The following TOX2 variants were observed in gnomAD, a reference collection of about 807,000 sequenced individuals.
TOX2 encodes TOX high mobility group box family member 2.
Under a neutral mutation model 47.4 loss-of-function variants are expected in TOX2, and 15 were observed. The ratio of observed to expected loss-of-function variants is 0.32; its 90% confidence interval spans 0.21 to 0.49. TOX2 has a LOEUF of 0.49. Among genes scored for constraint, TOX2 ranks in the 20% least tolerant of loss-of-function variants. TOX2 has a pLI of 0.99. For missense variants in TOX2, 622 were observed against 673.1 expected (o/e 0.92, Z 0.84); for synonymous variants, 290 against 296.6 (o/e 0.98, Z 0.23).
chr20:43,951,814 CA>C (rs1415585685), intron 1 of TOX2, among the ~76,000 whole-genome samples: 1 of 147,828 alleles, frequency 6.8e-6, no homozygotes, highest in African/African-American at 2.5e-5. Flanking sequence ...TGGGCTCAAG[CA>C]CTCCTCCCAT....
intron 1 of TOX2, among the ~76,000 whole-genome samples, chr20:43,921,877 C>T (rs963749013): frequency 1.3e-5 from 2 of 152,178 alleles, no homozygotes; most frequent in Non-Finnish European, 2.9e-5. Context: ...ATCCCTAGAC[C>T]TGATTTTCCT....
Position 44,006,581 on chromosome 20 carries a change from A to G in TOX2, c.200A>G (p.Tyr67Cys), listed in dbSNP as rs1456292960. The stretch of plus-strand genomic sequence containing the variant: ...GGCCAGAGCGAGAACAACGAAGACT[A>G]TGAGATCCCCCCGATAACACCTCCC... ...YNGQSENNED[Y>C]EIPPITPPNL... The change falls in exon 3 of 9, where the codon TAT (tyrosine) becomes TGT (cysteine). Residue 67 changes from tyrosine (Y) to cysteine (C), a missense_variant. By Grantham distance (194) the Tyr-to-Cys change is radical. Around this residue, in one of 3 missense-constraint regions of TOX2, gnomAD observed 307 missense variants for 327.3 expected, o/e 0.94. Coordinates refer to ENST00000341197, the MANE Select transcript of TOX2 (RefSeq NM_001098797.2). 1 of 1,613,938 alleles carries G rather than the reference A, an allele frequency of 6.2e-7. No homozygotes were observed. The highest frequency in any genetic ancestry group is 2.2e-5 in the East Asian group (1 of 44,890).
intron 2 of TOX2, among the ~76,000 whole-genome samples, chr20:43,993,600 A>G (rs916362978): frequency 6.6e-6 from 1 of 152,216 alleles, no homozygotes. Context: ...CAAAGAAATC[A>G]TGGCCCTTGG....
chr20:44,060,890 G>GA (rs1225935582), intron 5 of TOX2, among the ~76,000 whole-genome samples: 1 of 151,618 alleles, frequency 6.6e-6, no homozygotes, highest in Non-Finnish European at 1.5e-5. Flanking sequence ...CGCAGCAGAA[G>GA]AAAAAAATGA....
rs577258640 is a variant in TOX2 at position 44,059,592 on chromosome 20, T to G, written c.879+5066T>G. On this transcript the variant is annotated intron_variant, in intron 5 of 8. Transcript: ENST00000341197. ...ACAGCAGATTTCTTAGCAGAAACCC[T>G]ACAAGCTAGAAGGGATTGGGGTCCT... Among the ~76,000 whole-genome samples the G allele has an allele frequency of 5.3e-5, 8 of 151,892 alleles. No individual in the cohort carries two copies. The South Asian group carries it at 1.5e-3, about 28-fold the overall frequency.
intron 2 of TOX2, among the ~76,000 whole-genome samples, chr20:43,989,729 G>A (rs1168623241): frequency 1.3e-5 from 2 of 150,498 alleles, no homozygotes; most frequent in East Asian, 2.0e-4. Context: ...ACAGTGAGGC[G>A]AGATCACGCC....
At chr20:43,993,930 A>G (rs1438688912) in intron 2 of TOX2, among the ~76,000 whole-genome samples, 1 of 152,142 alleles carries the variant, frequency 6.6e-6, no homozygotes, top group East Asian at 1.9e-4. Context: ...AGCAGGGAGG[A>G]TTGCTTGAGG....
At chr20:44,026,929 G>A (rs1192799975) in intron 3 of TOX2, among the ~76,000 whole-genome samples, 5 of 152,106 alleles carry the variant, frequency 3.3e-5, no homozygotes, top group African/African-American at 1.2e-4. Context: ...CCCCACCTTG[G>A]GCATTTCAGT....
At chr20:43,985,658 G>T (rs1030656944) in intron 2 of TOX2, among the ~76,000 whole-genome samples, 2 of 152,112 alleles carry the variant, frequency 1.3e-5, no homozygotes, top group Non-Finnish European at 2.9e-5. Context: ...TTTATAGATG[G>T]AAAACATTAT....
At chr20:43,976,753 C>T (rs1395413649) in intron 2 of TOX2, among the ~76,000 whole-genome samples, 1 of 151,602 alleles carries the variant, frequency 6.6e-6, no homozygotes, top group Non-Finnish European at 1.5e-5. Context: ...CCCTGGAGTG[C>T]TTCTTGAACT....
At chr20:43,974,442 C>T (rs992403802) in intron 2 of TOX2, among the ~76,000 whole-genome samples, 24 of 152,188 alleles carry the variant, frequency 1.6e-4, no homozygotes. Flanking sequence ...AGGATGGTTC[C>T]CTAAGGCAGT....
Position 43,916,591 on chromosome 20 carries a change from T to C in TOX2, c.99+1601T>C, listed in dbSNP as rs150545651. Among the ~76,000 whole-genome samples the C allele has an allele frequency of 5.1e-3, 780 of 152,294 alleles. 9 individuals are homozygous for C. The highest frequency in any genetic ancestry group is 0.018 in the African/African-American group (747 of 41,570). ...AGGCCGGGAGCTGCCTCCAGTCTGA[T>C]GGAGGAAAATAGATTAAAAGTAGCA... On this transcript the variant is annotated intron_variant, in intron 1 of 8. Transcript: ENST00000341197. The surrounding 1 kb of genome is among the most constrained non-coding windows in gnomAD (Gnocchi z 5.0).
intron 1 of TOX2, among the ~76,000 whole-genome samples, chr20:43,949,836 G>A (rs1468008597): frequency 6.6e-6 from 1 of 152,116 alleles, no homozygotes; most frequent in Non-Finnish European, 1.5e-5. Flanking sequence ...GTGATGCTCT[G>A]GGAGGACATC....
chr20:43,975,029 C>G (rs1432059413), intron 2 of TOX2, among the ~76,000 whole-genome samples: 1 of 152,250 alleles, frequency 6.6e-6, no homozygotes, highest in Admixed American at 6.5e-5. Context: ...TTTAATTGTA[C>G]ATAATCAACT....
chr20:43,973,377 A>G lies in TOX2; in HGVS notation c.110A>G (p.Asp37Gly). The G allele has an allele frequency of 1.2e-6, 2 of 1,614,074 alleles. No individual in the cohort carries two copies. The highest frequency in any genetic ancestry group is 1.7e-6 in the Non-Finnish European group (2 of 1,179,992). The part of the protein sequence containing the change: ...DYYHGGKFDG[D>G]SAYVGMSDGN... ...CTCTCTCTATTCTAGTTTGATGGTGACAGTGCCTACGTGGGGATGAGTGAC... is the reference window on the plus strand; with the variant it reads ...CTCTCTCTATTCTAGTTTGATGGTGGCAGTGCCTACGTGGGGATGAGTGAC... Residue 37 changes from aspartate (D) to glycine (G), a missense_variant, in exon 2 of 9, where the codon GAC becomes GGC. Asp to Gly is a moderately conservative substitution (Grantham distance 94). This residue lies in a region of TOX2 where 307 missense variants were observed against 327.3 expected (regional missense o/e 0.94). Transcript: ENST00000341197.
chr20:43,914,858 C>G lies in TOX2; in HGVS notation c.-34C>G. ...ACCCGCCGCCCGCCCAGGCACTGCC[C>G]GCGGGAGCCGCCGCCGCCGCCGCCG... On this transcript the variant is annotated 5_prime_UTR_variant, in exon 1 of 9. Coordinates refer to ENST00000341197, the MANE Select transcript of TOX2 (RefSeq NM_001098797.2). The surrounding 1 kb of genome is among the most constrained non-coding windows in gnomAD (Gnocchi z 4.5). The G allele has an allele frequency of 4.3e-6, 4 of 933,494 alleles. No homozygotes were observed. Among genetic ancestry groups the G allele is most frequent in the Non-Finnish European group, 5.1e-6 (4 of 783,770 alleles). The allele number at this position is 933,494 out of a possible 1,614,324, so 57.8% of individuals were successfully genotyped here. A position where few individuals can be genotyped will look rare whatever the true frequency, so the allele number is the denominator to read the frequency against.
intron 3 of TOX2, among the ~76,000 whole-genome samples, chr20:44,018,522 AT>A (rs1412964584): frequency 1.1e-4 from 17 of 152,218 alleles, no homozygotes; most frequent in Admixed American, 4.6e-4. Context: ...TACCGTCGGC[AT>A]TGCTGAGAAG....
rs765817011 is a variant in TOX2 at position 43,945,947 on chromosome 20, C to T, written c.100-27420C>T. ...ACTCGCACAGAGGCTGTCGCGGGCG[C>T]GTTCTCTCGCTGCCTGGGCTTCTGT... On this transcript the variant is annotated intron_variant, in intron 1 of 8. Transcript: ENST00000341197. The T allele has an allele frequency of 2.5e-5, 40 of 1,613,836 alleles. No homozygotes were observed. The South Asian group carries it at 3.3e-4, about 13-fold the overall frequency.
rs1022565784 is a variant in TOX2, at chr20:43,964,118, C to A, written c.100-9249C>A. Among the ~76,000 whole-genome samples the A allele has an allele frequency of 2.0e-5, 3 of 151,864 alleles. No homozygotes were observed. The East Asian group carries it at 5.8e-4, about 29-fold the overall frequency. On this transcript the variant is annotated intron_variant, in intron 1 of 8. Transcript: ENST00000341197. ...GTTTAAAAAAAAAAAAAACCAACAGCTTGAAAGCAACAAGCCCAGGATTTG... is the reference window on the plus strand; with the variant it reads ...GTTTAAAAAAAAAAAAAACCAACAGATTGAAAGCAACAAGCCCAGGATTTG...
Sources: allele counts gnomAD v4.1 joint callset (sites outside exome capture counted in the v4.1 genomes callset), GRCh38; gene constraint gnomAD v4.1.1; regional missense constraint gnomAD v4.1.1; non-coding constraint Gnocchi (gnomAD v3.1); transcripts MANE v1.5; gene names NCBI Gene and HGNC (gene_info 2026-07-23, HGNC 2026-07-21).